KIRREL3: variants seen among roughly 807,000 people sequenced by gnomAD.
The protein encoded by KIRREL3 is kin of IRRE-like protein 3.
Under a neutral mutation model 89.7 loss-of-function variants are expected in KIRREL3, and 36 were observed. That is an observed-to-expected ratio of 0.40 (90% CI 0.31 to 0.53). The LOEUF is 0.53. Ranked by LOEUF, KIRREL3 falls within the 20% of genes least tolerant of loss-of-function variation. KIRREL3 has a pLI of 0.49. For synonymous variants in KIRREL3, 445 were observed against 441.4 expected (o/e 1.01, Z -0.10); for missense variants, 864 against 1,056.6 (o/e 0.82, Z 2.53).
chr11:126,448,710 A>G (rs145411430), intron 8 of KIRREL3, among the ~76,000 whole-genome samples: 224 of 152,320 alleles, frequency 1.5e-3, no homozygotes, highest in Middle Eastern at 3.4e-3. Context: ...CAAGCCAGGA[A>G]GAGAGTCCCC....
intron 1 of KIRREL3, among the ~76,000 whole-genome samples, chr11:126,822,915 C>T (rs10736557): frequency 0.86 from 131,409 of 152,182 alleles, 57,087 homozygotes; most frequent in East Asian, 1. Flanking sequence ...CCACTGTATA[C>T]TATAGGTCAA....
At chr11:126,827,302 C>A (rs577912306) in intron 1 of KIRREL3, among the ~76,000 whole-genome samples, 8 of 152,018 alleles carry the variant, frequency 5.3e-5, no homozygotes, top group Admixed American at 2.6e-4. Context: ...TTCAGCCTCC[C>A]GAGTAGCTGG....
At chr11:126,930,497 C>T (rs577430724) in intron 1 of KIRREL3, among the ~76,000 whole-genome samples, 7 of 152,336 alleles carry the variant, frequency 4.6e-5, no homozygotes, top group Non-Finnish European at 1.0e-4. Flanking sequence ...CCTTAACTTT[C>T]CTAAATGCTC....
chr11:126,927,103 T>C (rs1181184604), intron 1 of KIRREL3, among the ~76,000 whole-genome samples: 1 of 152,194 alleles, frequency 6.6e-6, no homozygotes, highest in Admixed American at 6.5e-5. Flanking sequence ...ACTGGCCAAA[T>C]TAGCCTCTGG....
intron 1 of KIRREL3, among the ~76,000 whole-genome samples, chr11:126,619,372 A>G (rs1324130232): frequency 6.6e-6 from 1 of 152,190 alleles, no homozygotes; most frequent in African/African-American, 2.4e-5. Context: ...CGGAAGCCAG[A>G]TGGTGTAGGG....
chr11:126,791,787 G>A lies in KIRREL3; in HGVS notation c.55+208668C>T, dbSNP rs1950648768. On this transcript the variant is annotated intron_variant, in intron 1 of 16. Transcript: ENST00000525144. The surrounding 1 kb of genome is among the most constrained non-coding windows in gnomAD (Gnocchi z 4.8). ...GATTTCTAGAAGACTTCCTTTGCTT[G>A]TAGACACCTTTTAGCAGGTGGAGGG... Among the ~76,000 whole-genome samples, 1 of 152,200 alleles carries A rather than the reference G, an allele frequency of 6.6e-6. No individual in the cohort carries two copies. Among genetic ancestry groups the A allele is most frequent in the Admixed American group, 6.5e-5 (1 of 15,274 alleles).
intron 1 of KIRREL3, chr11:126,935,564 T>C (rs955596362): frequency 2.0e-5 from 3 of 152,204 alleles, no homozygotes; most frequent in Non-Finnish European, 4.4e-5. Flanking sequence ...AACTGAGCTA[T>C]TAAGCCATAA....
chr11:126,947,354 C>G (rs1282859583), intron 1 of KIRREL3, among the ~76,000 whole-genome samples: 1 of 152,134 alleles, frequency 6.6e-6, no homozygotes, highest in Non-Finnish European at 1.5e-5. Context: ...AGGACTCTAC[C>G]ATAACCTGAT....
At chr11:126,456,682 G>A (rs868582754) in intron 6 of KIRREL3, among the ~76,000 whole-genome samples, 4 of 152,134 alleles carry the variant, frequency 2.6e-5, no homozygotes, top group African/African-American at 9.7e-5. Context: ...GTGTGGACAC[G>A]AACCCCGAGC....
At chr11:126,691,328 T>C (rs1234896388) in intron 1 of KIRREL3, among the ~76,000 whole-genome samples, 1 of 152,228 alleles carries the variant, frequency 6.6e-6, no homozygotes, top group Admixed American at 6.5e-5. Context: ...AGCAGACATG[T>C]ATGAGAACGG....
chr11:126,798,247 T>C (rs889602941), intron 1 of KIRREL3, among the ~76,000 whole-genome samples: 4 of 152,156 alleles, frequency 2.6e-5, no homozygotes, highest in African/African-American at 9.7e-5. Flanking sequence ...CTCCTTCCTC[T>C]CTCAGAACAC....
chr11:126,452,978 C>A (rs1956229979), intron 7 of KIRREL3, among the ~76,000 whole-genome samples: 2 of 152,118 alleles, frequency 1.3e-5, no homozygotes, highest in Admixed American at 6.5e-5. Context: ...GTGAGTCTCG[C>A]CCCACCCTCT....
At chr11:126,980,919 G>A (rs1030272248) in intron 1 of KIRREL3, among the ~76,000 whole-genome samples, 2 of 152,186 alleles carry the variant, frequency 1.3e-5, no homozygotes, top group Non-Finnish European at 2.9e-5. Flanking sequence ...TGGGTGCTAG[G>A]AGTGTGAACG....
In KIRREL3 at chr11:126,669,800, T is replaced by G. The variant is rs1157975211; in HGVS notation, c.56-106888A>C. On this transcript the variant is annotated intron_variant, in intron 1 of 16. Coordinates refer to ENST00000525144, the MANE Select transcript of KIRREL3 (RefSeq NM_032531.4). This position sits in a 1 kb window ranked among gnomAD's most constrained non-coding sequence, Gnocchi z 5.0. ...TATAAATCCAGTCTTGACCTATCCC[T>G]TGGGCTAAAGATTTGTAGAGTCAAC... Among the ~76,000 whole-genome samples the G allele has an allele frequency of 6.6e-6, 1 of 152,228 alleles. No homozygotes were observed. The highest frequency in any genetic ancestry group is 2.4e-5 in the African/African-American group (1 of 41,466).
rs142450132 is a variant in KIRREL3, at chr11:126,764,082, G to T, written c.56-201170C>A. Among the ~76,000 whole-genome samples, 8 of 152,260 alleles carry T rather than the reference G, an allele frequency of 5.3e-5. No homozygotes were observed. Among genetic ancestry groups the T allele is most frequent in the Middle Eastern group, 3.4e-3 (1 of 294 alleles). The stretch of plus-strand genomic sequence containing the variant: ...ATATTTCAGAAGCTCTAATTAAGTG[G>T]AAGATTATGCATGCCATTTGAGTTT... On this transcript the variant is annotated intron_variant, in intron 1 of 16. Coordinates refer to ENST00000525144, the MANE Select transcript of KIRREL3 (RefSeq NM_032531.4). This position sits in a 1 kb window ranked among gnomAD's most constrained non-coding sequence, Gnocchi z 4.2.
chr11:126,979,761 G>A (rs1323944616), intron 1 of KIRREL3, among the ~76,000 whole-genome samples: 2 of 152,214 alleles, frequency 1.3e-5, no homozygotes, highest in Admixed American at 1.3e-4. Flanking sequence ...CCTGGCCTTT[G>A]TAGCAGATGC....
chr11:126,603,951 G>A (rs1375194205), intron 1 of KIRREL3, among the ~76,000 whole-genome samples: 2 of 152,294 alleles, frequency 1.3e-5, no homozygotes, highest in African/African-American at 4.8e-5. Flanking sequence ...ATCTTTAAGA[G>A]GAACCAGGAT....
intron 2 of KIRREL3, among the ~76,000 whole-genome samples, chr11:126,559,923 T>C (rs978201734): frequency 6.6e-6 from 1 of 152,176 alleles, no homozygotes; most frequent in African/African-American, 2.4e-5. Context: ...CCTCAAGTGA[T>C]CTGCCTGCCT....
intron 4 of KIRREL3, among the ~76,000 whole-genome samples, chr11:126,494,286 C>T (rs894015714): frequency 6.6e-6 from 1 of 152,144 alleles, no homozygotes; most frequent in Non-Finnish European, 1.5e-5. Flanking sequence ...TCTGTTTTTG[C>T]TGTAAATAAA....
Sources: gnomAD v4.1 joint callset for allele counts (sites outside exome capture counted in the v4.1 genomes callset) on GRCh38, gnomAD v4.1.1 for gene constraint, Gnocchi (gnomAD v3.1) non-coding constraint, MANE v1.5 for transcripts, NCBI Gene and HGNC (gene_info 2026-07-23, HGNC 2026-07-21) for gene names.